RASEF: variants seen among roughly 807,000 people sequenced by gnomAD.
The protein encoded by RASEF is RAS and EF-hand domain containing, also known as ras and EF-hand domain-containing protein.
In RASEF, 68 loss-of-function variants were observed where a neutral mutation model predicts 90.1. That is an observed-to-expected ratio of 0.75 (90% CI 0.62 to 0.92). The LOEUF (loss-of-function observed/expected upper bound fraction) is 0.92, where lower values mean the gene tolerates loss of function less well. Ranked by LOEUF, RASEF falls within the 40% of genes least tolerant of loss-of-function variation. The pLI is 0.00. For synonymous variants in RASEF, 331 were observed against 345.2 expected, an observed-to-expected ratio of 0.96 and a Z score of 0.46; for missense variants, 949 against 937.2, an observed-to-expected ratio of 1.01 and a Z score of -0.16.
chr9:83,068,786 G>T, the RASEF span, among the ~76,000 whole-genome samples: 6 of 152,190 alleles, frequency 3.9e-5, no homozygotes, highest in African/African-American at 1.4e-4. Flanking sequence ...TAATACACAA[G>T]TGTAAGTTTG....
chr9:83,196,025 C>T, the RASEF span, among the ~76,000 whole-genome samples: 4 of 151,974 alleles, frequency 2.6e-5, no homozygotes, highest in African/African-American at 9.7e-5. Context: ...GTGGACACGG[C>T]ACACGAAAGA....
At chr9:83,043,400 G>GGA (rs35214554) in intron 1 of RASEF, among the ~76,000 whole-genome samples, 7 of 59,826 alleles carry the variant, frequency 1.2e-4, no homozygotes, top group Non-Finnish European at 3.4e-4. Flanking sequence ...CAGTGATTGG[G>GGA]GGGGGGGACC....
chr9:83,102,379 C>G, the RASEF span, among the ~76,000 whole-genome samples: 1 of 152,154 alleles, frequency 6.6e-6, no homozygotes, highest in African/African-American at 2.4e-5. Flanking sequence ...AACAAAAAGG[C>G]AAAACCTCAT....
At chr9:83,010,849 A>C (rs577857242) in intron 5 of RASEF, among the ~76,000 whole-genome samples, 2 of 151,974 alleles carry the variant, frequency 1.3e-5, no homozygotes, top group Non-Finnish European at 2.9e-5. Context: ...ATATCTGTTC[A>C]CACCGTCCCA....
the RASEF span, among the ~76,000 whole-genome samples, chr9:83,170,784 T>A: frequency 4.9e-4 from 75 of 152,076 alleles, no homozygotes; most frequent in African/African-American, 1.6e-3. Context: ...CCTCCAACTT[T>A]ACTGGATTCC....
chr9:83,091,527 T>C, the RASEF span, among the ~76,000 whole-genome samples: 2 of 152,104 alleles, frequency 1.3e-5, no homozygotes, highest in Non-Finnish European at 2.9e-5. Context: ...TGCACTCCAG[T>C]CTGGATGACA....
At chr9:82,996,936 GAAGA>G (rs1270569981) in intron 14 of RASEF, 72 bp downstream of exon 14, 2 of 835,498 alleles carry the variant, frequency 2.4e-6, no homozygotes, top group African/African-American at 1.7e-5. Context: ...TTCTGACAAA[GAAGA>G]GAGACAGCAT....
intron 1 of RASEF, among the ~76,000 whole-genome samples, chr9:83,047,307 A>G (rs1829952266): frequency 6.6e-6 from 1 of 152,232 alleles, no homozygotes; most frequent in African/African-American, 2.4e-5. Context: ...AAAAAGAGGA[A>G]AAGTAACCCA....
chr9:83,012,596 A>T (rs987822299), intron 4 of RASEF, 85 bp from the exon 5 acceptor site: 1 of 646,214 alleles, frequency 1.5e-6, no homozygotes, highest in African/African-American at 1.9e-5. Context: ...GAATATACAT[A>T]TGAGAATTCT....
intron 1 of RASEF, among the ~76,000 whole-genome samples, chr9:83,029,398 T>C (rs2118590593): frequency 6.6e-6 from 1 of 150,650 alleles, no homozygotes; most frequent in East Asian, 2.0e-4. Flanking sequence ...GCCTTCTTTT[T>C]TTTTTTTTTT....
the RASEF span, among the ~76,000 whole-genome samples, chr9:83,110,498 A>T: frequency 2.0e-5 from 3 of 152,144 alleles, no homozygotes; most frequent in African/African-American, 7.2e-5. Context: ...GCCTATTTGG[A>T]TGGTCTAGCA....
At chr9:83,092,962 G>GT in the RASEF span, among the ~76,000 whole-genome samples, 9 of 152,048 alleles carry the variant, frequency 5.9e-5, no homozygotes, top group Non-Finnish European at 1.3e-4. Context: ...GCTGATTGGT[G>GT]TGTTTACAAA....
chr9:83,108,944 CA>C, the RASEF span, among the ~76,000 whole-genome samples: 1 of 152,118 alleles, frequency 6.6e-6, no homozygotes, highest in Non-Finnish European at 1.5e-5. Context: ...AGTCTAGTAC[CA>C]AGATAAACCA....
chr9:83,194,483 G>A, the RASEF span, among the ~76,000 whole-genome samples: 2 of 152,174 alleles, frequency 1.3e-5, no homozygotes, highest in Non-Finnish European at 2.9e-5. Flanking sequence ...GATGATGTTA[G>A]CCTTGACCAC....
chr9:83,144,350 A>AGAAG, the RASEF span, among the ~76,000 whole-genome samples: 1 of 121,410 alleles, frequency 8.2e-6, no homozygotes, highest in Non-Finnish European at 1.7e-5. Flanking sequence ...AAAGAAAGAA[A>AGAAG]GAAAGAAAGA....
intron 15 of RASEF, among the ~76,000 whole-genome samples, chr9:82,992,009 A>G (rs1828825271): frequency 6.6e-6 from 1 of 152,220 alleles, no homozygotes; most frequent in South Asian, 2.1e-4. Flanking sequence ...ATATGGGTTG[A>G]GTGAATCTCT....
At position 83,031,173 on chromosome 9, in the gene RASEF, T is replaced by G. The variant is rs985197353; in HGVS notation, c.432-5252A>C. Among the ~76,000 whole-genome samples the G allele has an allele frequency of 2.8e-4, 42 of 152,240 alleles. 1 individual carries two copies. The highest frequency in any genetic ancestry group is 2.6e-3 in the Admixed American group (40 of 15,284). On this transcript the variant is annotated intron_variant, in intron 1 of 16. Coordinates refer to ENST00000376447, the MANE Select transcript of RASEF (RefSeq NM_152573.4). ...TTCTTTGTTACAGTCAGCTTAAGCT[T>G]AGAAAGTTGGCATTATGGTTTCCTA...
intron 6 of RASEF, among the ~76,000 whole-genome samples, chr9:83,008,443 C>T (rs1438174926): frequency 6.6e-6 from 1 of 152,052 alleles, no homozygotes; most frequent in African/African-American, 2.4e-5. Context: ...CGTATCCTTC[C>T]CTATGTTCTG....
the RASEF span, among the ~76,000 whole-genome samples, chr9:83,210,956 T>C: frequency 6.6e-6 from 1 of 152,192 alleles, no homozygotes; most frequent in African/African-American, 2.4e-5. Context: ...CCTGAATAAT[T>C]TAGTGTAGAT....
Sources: gnomAD v4.1 joint callset for allele counts (sites outside exome capture counted in the v4.1 genomes callset) on GRCh38, gnomAD v4.1.1 for gene constraint, MANE v1.5 for transcripts, NCBI Gene and HGNC (gene_info 2026-07-23, HGNC 2026-07-21) for gene names.